Variants in HTR1F observed in about 807,000 individuals in gnomAD.
HTR1F encodes the protein 5-hydroxytryptamine (serotonin) receptor 1F, G protein-coupled.
Under a neutral mutation model 24.0 loss-of-function variants are expected in HTR1F, and 17 were observed. The ratio of observed to expected loss-of-function variants is 0.71; its 90% CI spans 0.48 to 1.06. The LOEUF (loss-of-function observed/expected upper bound fraction) is 1.06. Ranked by LOEUF, HTR1F falls within the 50% of genes least tolerant of loss-of-function variation. The probability of loss-of-function intolerance (pLI) is 0.00; values close to 1 mark genes in which losing one functional copy is unlikely to be tolerated. For missense variants in HTR1F, 391 were observed against 427.8 expected (o/e 0.91, Z 0.76); for synonymous variants, 186 against 156.8 (o/e 1.19, Z -1.39).
rs567496926 is a variant in HTR1F at position 87,948,533 on chromosome 3, G to A, written c.-42-42175G>A. On this transcript the variant is annotated intron_variant, in intron 2 of 2. Transcript: ENST00000319595. ...ACCTCACTCTGTTGCCCAGGCTGGA[G>A]TGCAGTCGCATAGTCACAGCTCACT... is the stretch of plus-strand genomic sequence containing the variant. Among the ~76,000 whole-genome samples the A allele has an allele frequency of 4.0e-5, 6 of 151,682 alleles. No homozygotes were observed. The East Asian group carries it at 1.2e-3, about 29-fold the overall frequency.
chr3:87,971,296 G>A (rs1334693969), intron 2 of HTR1F, among the ~76,000 whole-genome samples: 1 of 152,120 alleles, frequency 6.6e-6, no homozygotes, highest in Non-Finnish European at 1.5e-5. Flanking sequence ...GGCCGGGCAT[G>A]GTGACTCACA....
intron 2 of HTR1F, among the ~76,000 whole-genome samples, chr3:87,930,642 G>T (rs1704240125): frequency 6.6e-6 from 1 of 152,276 alleles, no homozygotes; most frequent in South Asian, 2.1e-4. Flanking sequence ...AAGTCTACTT[G>T]ATTATGGTGA....
intron 2 of HTR1F, among the ~76,000 whole-genome samples, chr3:87,985,041 G>A (rs1290692428): frequency 6.6e-6 from 1 of 152,026 alleles, no homozygotes; most frequent in African/African-American, 2.4e-5. Context: ...TATAGAAAAA[G>A]TAGTTACTTG....
chr3:87,801,594 G>T (rs1039790084), intron 1 of HTR1F, among the ~76,000 whole-genome samples: 1 of 152,170 alleles, frequency 6.6e-6, no homozygotes, highest in Non-Finnish European at 1.5e-5. Flanking sequence ...AGGAGGACTT[G>T]CCAGGAGGGA....
intron 1 of HTR1F, among the ~76,000 whole-genome samples, chr3:87,820,307 G>T (rs909464609): frequency 1.3e-5 from 2 of 150,232 alleles, no homozygotes; most frequent in African/African-American, 2.5e-5. Context: ...CTCCCAAGTA[G>T]CTGGGACTAC....
chr3:87,981,610 C>T (rs1222025005), intron 2 of HTR1F, among the ~76,000 whole-genome samples: 1 of 152,150 alleles, frequency 6.6e-6, no homozygotes, highest in Non-Finnish European at 1.5e-5. Flanking sequence ...CCATATCTCC[C>T]CACCCTTCCT....
intron 1 of HTR1F, among the ~76,000 whole-genome samples, chr3:87,796,001 A>C (rs1301480585): frequency 6.6e-6 from 1 of 152,222 alleles, no homozygotes; most frequent in Non-Finnish European, 1.5e-5. Flanking sequence ...TCTTCTATGT[A>C]CAGTGGGAAG....
At chr3:87,946,314 T>C (rs112298100) in intron 2 of HTR1F, among the ~76,000 whole-genome samples, 1 of 152,008 alleles carries the variant, frequency 6.6e-6, no homozygotes, top group East Asian at 1.9e-4. Context: ...GAGAGTGCAG[T>C]TGCAAGATTT....
chr3:87,917,771 G>C (rs1703927805), intron 2 of HTR1F, among the ~76,000 whole-genome samples: 1 of 151,832 alleles, frequency 6.6e-6, no homozygotes, highest in South Asian at 2.1e-4. Context: ...TGGATTCACA[G>C]CTAAATTCTA....
In HTR1F at chr3:87,978,928, G is replaced by GGAAGGAAGGAAA. The variant is rs1559656037; in HGVS notation, c.-42-11773_-42-11772insGGAAAGAAGGAA. ...AGGAAGGAAGGAAGGAAGGAAGGAA[G>GGAAGGAAGGAAA]GAAGGAAAAGAGAGAGATGGGAAAG... On this transcript the variant is annotated intron_variant, in intron 2 of 2. Coordinates refer to ENST00000319595, the MANE Select transcript of HTR1F (RefSeq NM_001322209.2). Among the ~76,000 whole-genome samples, 467 of 70,348 alleles carry GGAAGGAAGGAAA rather than the reference G, an allele frequency of 6.6e-3. 11 individuals are homozygous for GGAAGGAAGGAAA. Among genetic ancestry groups the GGAAGGAAGGAAA allele is most frequent in the East Asian group, 0.035 (51 of 1,478 alleles). The allele number at this position is 70,348 out of a possible 152,430, so 46.2% of individuals were successfully genotyped here.
intron 2 of HTR1F, among the ~76,000 whole-genome samples, chr3:87,982,030 C>T (rs924498330): frequency 2.2e-4 from 34 of 151,966 alleles, no homozygotes; most frequent in Non-Finnish European, 4.6e-4. Context: ...TCAAGCAGTT[C>T]TCATGTCCAA....
At chr3:87,849,385 T>C (rs1705027040) in intron 2 of HTR1F, among the ~76,000 whole-genome samples, 1 of 151,760 alleles carries the variant, frequency 6.6e-6, no homozygotes, top group African/African-American at 2.4e-5. Flanking sequence ...TAAATGGTGC[T>C]GGGAAAACTG....
chr3:87,948,812 T>C (rs751455362), intron 2 of HTR1F, among the ~76,000 whole-genome samples: 9 of 152,326 alleles, frequency 5.9e-5, no homozygotes, highest in Non-Finnish European at 1.2e-4. Context: ...TATTACTATT[T>C]GAGAACTATT....
intron 2 of HTR1F, among the ~76,000 whole-genome samples, chr3:87,879,598 A>C (rs1705744809): frequency 6.6e-6 from 1 of 152,188 alleles, no homozygotes; most frequent in Admixed American, 6.6e-5. Flanking sequence ...ATTCTAGGAT[A>C]TGTAGAATTG....
intron 2 of HTR1F, among the ~76,000 whole-genome samples, chr3:87,926,839 G>T: frequency 6.6e-6 from 1 of 152,112 alleles, no homozygotes; most frequent in East Asian, 1.9e-4. Flanking sequence ...AGGACGACAC[G>T]GTGATAGGTA....
intron 2 of HTR1F, among the ~76,000 whole-genome samples, chr3:87,901,468 G>T (rs1422765795): frequency 3.3e-5 from 5 of 152,060 alleles, no homozygotes; most frequent in Non-Finnish European, 7.4e-5. Context: ...CTGGGACTTC[G>T]AGCCTCCAGG....
intron 2 of HTR1F, among the ~76,000 whole-genome samples, chr3:87,850,469 G>T (rs1337829019): frequency 6.6e-6 from 1 of 151,758 alleles, no homozygotes; most frequent in South Asian, 2.1e-4. Flanking sequence ...GGGGTGGGGG[G>T]AGTGGAGAGG....
At chr3:87,800,978 C>T (rs1247785677) in intron 1 of HTR1F, among the ~76,000 whole-genome samples, 3 of 152,190 alleles carry the variant, frequency 2.0e-5, no homozygotes, top group South Asian at 4.1e-4. Flanking sequence ...TATAGTCTCA[C>T]TCAATAACCC....
At chr3:87,928,628 A>G (rs1240592645) in intron 2 of HTR1F, among the ~76,000 whole-genome samples, 2 of 152,142 alleles carry the variant, frequency 1.3e-5, no homozygotes, top group Non-Finnish European at 2.9e-5. Flanking sequence ...CATTACTATC[A>G]ATGCTGAAAT....
Sources: allele counts gnomAD v4.1 joint callset (sites outside exome capture counted in the v4.1 genomes callset), GRCh38; gene constraint gnomAD v4.1.1; transcripts MANE v1.5; gene names NCBI Gene and HGNC (gene_info 2026-07-23, HGNC 2026-07-21).